Variants in CC2D2B observed in about 807,000 individuals in gnomAD.
CC2D2B encodes coiled-coil and C2 domain containing 2B.
A neutral mutation model predicts 161.2 loss-of-function variants in CC2D2B; 128 were observed. The ratio of observed to expected loss-of-function variants is 0.79; its 90% CI spans 0.69 to 0.92. The LOEUF is 0.92. CC2D2B is among the 40% of genes least tolerant of loss of function. The probability of loss-of-function intolerance (pLI) is 0.00; values close to 1 mark genes in which losing one functional copy is unlikely to be tolerated. For missense variants in CC2D2B, 1,173 were observed against 1,375.1 expected, an observed-to-expected ratio of 0.85 and a Z score of 2.32; for synonymous variants, 391 against 449.8, an observed-to-expected ratio of 0.87 and a Z score of 1.65.
intron 24 of CC2D2B, among the ~76,000 whole-genome samples, chr10:95,997,775 C>A (rs189510793): frequency 6.6e-6 from 1 of 152,194 alleles, no homozygotes; most frequent in Non-Finnish European, 1.5e-5. Flanking sequence ...CCATCTTTAG[C>A]AAGTTCCCAG....
At chr10:95,941,797 A>T (rs2076031933) in intron 9 of CC2D2B, among the ~76,000 whole-genome samples, 1 of 152,172 alleles carries the variant, frequency 6.6e-6, no homozygotes, top group African/African-American at 2.4e-5. Flanking sequence ...TTCCTCTGCA[A>T]ATTTAAAATA....
chr10:95,934,620 G>A (rs61075650), intron 6 of CC2D2B, among the ~76,000 whole-genome samples: 46,339 of 151,932 alleles, frequency 0.3, 7,685 homozygotes, highest in Admixed American at 0.41. Flanking sequence ...AGTCCCTCAG[G>A]GCTTCCCTTG....
At chr10:96,016,346 A>G in intron 30 of CC2D2B, 32 bp downstream of exon 30, 1 of 1,369,072 alleles carries the variant, frequency 7.3e-7, no homozygotes, top group Non-Finnish European at 1.0e-6. Context: ...GAAATAATGT[A>G]AGCAAAAGGA....
Position 95,938,067 on chromosome 10 carries a change from AAGAGTTTATGAAAGAATTCATTTTGAC to A in CC2D2B, c.417_443del (p.Glu139_Thr147del). 1 of 1,550,650 alleles carries A rather than the reference AAGAGTTTATGAAAGAATTCATTTTGAC, an allele frequency of 6.4e-7. No homozygotes were observed. The highest frequency in any genetic ancestry group is 1.2e-5 in the South Asian group (1 of 84,042). ...CAAAATGTTGCTGAGAGTGAAGAGG[AAGAGTTTATGAAAGAATTCATTTTGAC>A]AGATATACTCAAAGTAAAAGCTGCT... On this transcript the variant is annotated inframe_deletion, in exon 7 of 35. Coordinates refer to ENST00000646931, the MANE Select transcript of CC2D2B (RefSeq NM_001349008.3).
chr10:95,924,140 G>A (rs1292639315), intron 3 of CC2D2B, among the ~76,000 whole-genome samples, 174 bp from the exon 4 acceptor site: 2 of 152,186 alleles, frequency 1.3e-5, no homozygotes, highest in African/African-American at 4.8e-5. Context: ...AAGGGGAAAG[G>A]ACATCTATTT....
At chr10:95,974,245 A>G in intron 17 of CC2D2B, 89 bp downstream of exon 17, 1 of 628,150 alleles carries the variant, frequency 1.6e-6, no homozygotes, top group Non-Finnish European at 2.3e-6. Context: ...AAACTTGAGC[A>G]GCAATAGGAA....
intron 6 of CC2D2B, among the ~76,000 whole-genome samples, chr10:95,936,857 G>T (rs950213402): frequency 5.9e-5 from 9 of 152,168 alleles, no homozygotes; most frequent in Non-Finnish European, 1.5e-5. Flanking sequence ...CAGGTGGAAA[G>T]CCCTGGCCCA....
In CC2D2B at chr10:95,992,649, G is replaced by C. The variant is rs530330495; in HGVS notation, c.2594G>C (p.Arg865Pro). 5.0e-5 allele frequency: 62 copies of C among 1,234,214 alleles called. No homozygotes were observed. The African/African-American group carries it at 9.1e-4, about 18-fold the overall frequency. The allele number at this position is 1,234,214 out of a possible 1,614,324, so 76.5% of individuals were successfully genotyped here. The change falls in exon 22 of 35, where the codon CGA becomes CCA. Residue 865 changes from arginine to proline, a missense_variant. This residue lies in a region of CC2D2B where 598 missense variants were observed against 693.2 expected (regional missense o/e 0.86). Transcript: ENST00000646931. ...ISDGDIKILV[R>P]IVRAYNIPTR... ...GACGGAGATATTAAGATTCTTGTCC[G>C]AATAGTGAGGGCCTATAATATTCCT...
chr10:96,013,374 CAA>C (rs201906577), intron 28 of CC2D2B, among the ~76,000 whole-genome samples: 6 of 126,618 alleles, frequency 4.7e-5, no homozygotes, highest in Admixed American at 8.0e-5. Flanking sequence ...GATTTTGAAC[CAA>C]AAAAAAAAAA....
intron 22 of CC2D2B, among the ~76,000 whole-genome samples, chr10:95,993,942 G>GTATATATATA (rs1159212300): frequency 7.9e-5 from 2 of 25,360 alleles, no homozygotes; most frequent in Admixed American, 4.2e-4. Flanking sequence ...GTGTGTGTGT[G>GTATATATATA]TATGTATGTG....
chr10:95,924,508 C>T, intron 4 of CC2D2B, 118 bp downstream of exon 4: 1 of 591,232 alleles, frequency 1.7e-6, no homozygotes, highest in East Asian at 2.9e-5. Flanking sequence ...TCCTTAATTC[C>T]TAAAGTCTTC....
chr10:96,023,536 A>G (rs1320953862), intron 32 of CC2D2B, among the ~76,000 whole-genome samples: 2 of 152,228 alleles, frequency 1.3e-5, no homozygotes, highest in African/African-American at 4.8e-5. Flanking sequence ...TCAGGCCTGA[A>G]GTGGCCTAAC....
In CC2D2B at chr10:95,970,854, T is replaced by G. The variant is rs570679061; in HGVS notation, c.1645-1212T>G. Among the ~76,000 whole-genome samples, 3 of 152,328 alleles carry G rather than the reference T, an allele frequency of 2.0e-5. No homozygotes were observed. The East Asian group carries it at 5.8e-4, about 29-fold the overall frequency. ...GGGATGCCTTTGTCAAAGGGACCAGTGTGGTGTCTTAAATTCTCTCTTACA... is the reference window on the plus strand; with the variant it reads ...GGGATGCCTTTGTCAAAGGGACCAGGGTGGTGTCTTAAATTCTCTCTTACA... On this transcript the variant is annotated intron_variant, in intron 15 of 34. Transcript: ENST00000646931.
At position 95,976,312 on chromosome 10, in the gene CC2D2B, C is replaced by T. The variant is rs1380554747; in HGVS notation, c.1943+2156C>T. Among the ~76,000 whole-genome samples, 8 of 152,296 alleles carry T rather than the reference C, an allele frequency of 5.3e-5. No homozygotes were observed. In the East Asian group the frequency reaches 1.3e-3, roughly 26 times the overall value. On this transcript the variant is annotated intron_variant, in intron 17 of 34. Coordinates refer to ENST00000646931, the MANE Select transcript of CC2D2B (RefSeq NM_001349008.3). ...CCCACTTGTCACTGAAGGTTACCAG[C>T]AAGTGACCTTCAAGCCATATTCATT...
In CC2D2B at chr10:96,032,022, C is replaced by A. The variant is rs1477719548; in HGVS notation, c.*14C>A. ...CAACATCAATGAAAAGGAAGCAGAG[C>A]AAAGTAAAAGATTGTACTATAGTCC... is the stretch of plus-strand genomic sequence containing the variant. On this transcript the variant is annotated 3_prime_UTR_variant, in exon 35 of 35. Transcript: ENST00000646931. The A allele has an allele frequency of 2.5e-6, 4 of 1,601,114 alleles. No individual in the cohort carries two copies. The Admixed American group carries it at 6.7e-5, about 27-fold the overall frequency.
intron 15 of CC2D2B, among the ~76,000 whole-genome samples, chr10:95,970,142 C>T (rs566446310): frequency 1.3e-5 from 2 of 151,594 alleles, no homozygotes; most frequent in South Asian, 4.2e-4. Context: ...TCAACCAATT[C>T]TCCTTCCTCA....
chr10:96,016,236 G>A lies in CC2D2B; in HGVS notation c.3552G>A (p.Glu1184=), dbSNP rs376134267. 6.2e-7 allele frequency: 1 copy of A among 1,612,464 alleles called. No individual in the cohort carries two copies. Among genetic ancestry groups the A allele is most frequent in the Admixed American group, 1.7e-5 (1 of 59,726 alleles). Residue 1184 remains glutamate (E), a synonymous_variant, in exon 30 of 35, where the codon GAG becomes GAA. Coordinates refer to ENST00000646931, the MANE Select transcript of CC2D2B (RefSeq NM_001349008.3). ...CISLAIGNKE[E]HAILLCNFFL... Reference sequence around the variant, plus strand: ...GTTTAGCTATCGGAAATAAGGAGGAGCATGCCATCCTTCTCTGTAATTTCT... The same window carrying A: ...GTTTAGCTATCGGAAATAAGGAGGAACATGCCATCCTTCTCTGTAATTTCT...
In CC2D2B at chr10:96,015,653, C is replaced by T. The variant is rs370636938; in HGVS notation, c.3517-548C>T. Among the ~76,000 whole-genome samples the T allele has an allele frequency of 3.9e-5, 6 of 152,234 alleles. No homozygotes were observed. In the East Asian group the frequency reaches 1.2e-3, roughly 29 times the overall value. On this transcript the variant is annotated intron_variant, in intron 29 of 34. Transcript: ENST00000646931. ...ATTGCTGTGCTTTACTGGGCACTCT[C>T]TATTTGATCTGTTACACCCTGCTCA...
rs1287379242 is a variant in CC2D2B, at chr10:95,991,384, A to T, written c.2394A>T (p.Ile798=). The T allele has an allele frequency of 1.0e-5, 11 of 1,100,062 alleles. No individual in the cohort carries two copies. The highest frequency in any genetic ancestry group is 1.2e-6 in the Non-Finnish European group (1 of 867,304). 68.1% of individuals were successfully genotyped at this position (1,100,062 alleles called of 1,614,324 possible). ...ATTTTTTTTAGGTGAGAAGGTTGAT[A>T]ATGAAGAGAATTGTTAAAATTAGCA... ...ANFLKKVRRL[I]MKRIVKISKC... is the part of the protein sequence containing the mutation. Residue 798 remains isoleucine (I), a synonymous_variant, in exon 21 of 35, where the codon ATA becomes ATT. Coordinates refer to ENST00000646931, the MANE Select transcript of CC2D2B (RefSeq NM_001349008.3).
Sources: gnomAD v4.1 joint callset for allele counts (sites outside exome capture counted in the v4.1 genomes callset) on GRCh38, gnomAD v4.1.1 for gene constraint, gnomAD v4.1.1 regional missense constraint, MANE v1.5 for transcripts, NCBI Gene and HGNC (gene_info 2026-07-23, HGNC 2026-07-21) for gene names.